Variants in CADPS2 observed in about 807,000 individuals in gnomAD.
CADPS2 encodes the protein calcium-dependent secretion activator 2.
In CADPS2, 93 loss-of-function variants were observed where a neutral mutation model predicts 172.5. That is an observed-to-expected ratio of 0.54 (90% CI 0.46 to 0.64). The LOEUF (loss-of-function observed/expected upper bound fraction) is 0.64. Among genes scored for constraint, CADPS2 ranks in the 30% least tolerant of loss-of-function variants. The pLI, the probability that CADPS2 is intolerant of heterozygous loss-of-function variation, is 0.00. For synonymous variants in CADPS2, 546 were observed against 555.2 expected, an observed-to-expected ratio of 0.98 and a Z score of 0.23; for missense variants, 1,420 against 1,565.9, an observed-to-expected ratio of 0.91 and a Z score of 1.57.
chr7:122,384,628 C>T (rs1332177931), intron 24 of CADPS2, among the ~76,000 whole-genome samples: 1 of 152,018 alleles, frequency 6.6e-6, no homozygotes, highest in East Asian at 1.9e-4. Flanking sequence ...TTCTTGTTTA[C>T]CACTTTTTCA....
At position 122,329,403 on chromosome 7, in the gene CADPS2, T is replaced by C. The variant is rs558085231; in HGVS notation, c.3613-3822A>G. Among the ~76,000 whole-genome samples the C allele has an allele frequency of 6.6e-5, 10 of 152,298 alleles. No homozygotes were observed. In the East Asian group the frequency reaches 9.7e-4, roughly 15 times the overall value. ...CACGCAGCTGTAAAGGGCTCTGCTC[T>C]TGGGGCCGGGGAGCACTAACAATAG... On this transcript the variant is annotated intron_variant, in intron 28 of 29. Coordinates refer to ENST00000449022, the MANE Select transcript of CADPS2 (RefSeq NM_017954.11).
At chr7:122,658,918 TA>T (rs199711943) in intron 3 of CADPS2, among the ~76,000 whole-genome samples, 84 of 147,928 alleles carry the variant, frequency 5.7e-4, no homozygotes, top group African/African-American at 1.4e-3. Flanking sequence ...TAATAATATG[TA>T]AAAAAAAAAG....
At chr7:122,814,499 C>G (rs971517028) in intron 1 of CADPS2, among the ~76,000 whole-genome samples, 5 of 151,840 alleles carry the variant, frequency 3.3e-5, no homozygotes, top group Non-Finnish European at 2.9e-5. Flanking sequence ...GTTTAAATGG[C>G]TAAAAAGAAA....
chr7:122,849,894 C>G, intron 1 of CADPS2: 1 of 570,840 alleles, frequency 1.8e-6, no homozygotes, highest in South Asian at 1.6e-5. Context: ...TTGGCCCCAG[C>G]CCCTGCCCCA....
At chr7:122,335,990 A>G (rs1585085711) in intron 28 of CADPS2, among the ~76,000 whole-genome samples, 2 of 152,204 alleles carry the variant, frequency 1.3e-5, no homozygotes, top group East Asian at 3.8e-4. Flanking sequence ...TTTCCCCTCC[A>G]GTGAAATATT....
intron 15 of CADPS2, among the ~76,000 whole-genome samples, chr7:122,448,747 G>C (rs2052641332): frequency 6.6e-6 from 1 of 151,940 alleles, no homozygotes; most frequent in Non-Finnish European, 1.5e-5. Context: ...ACTGGTTTTG[G>C]TTCAAAACCA....
intron 12 of CADPS2, among the ~76,000 whole-genome samples, chr7:122,477,062 G>C (rs1269261906): frequency 6.8e-6 from 1 of 146,440 alleles, no homozygotes; most frequent in Admixed American, 6.8e-5. Context: ...AAGAGAGAGA[G>C]AGAGAGAGAG....
At chr7:122,528,018 G>A (rs1372465232) in intron 8 of CADPS2, among the ~76,000 whole-genome samples, 1 of 151,734 alleles carries the variant, frequency 6.6e-6, no homozygotes, top group African/African-American at 2.4e-5. Flanking sequence ...TAGCTCCCTT[G>A]CTATAATAGA....
chr7:122,595,146 T>A (rs1193836609), intron 6 of CADPS2, among the ~76,000 whole-genome samples: 1 of 150,156 alleles, frequency 6.7e-6, no homozygotes, highest in Non-Finnish European at 1.5e-5. Flanking sequence ...AAGAGTTAGA[T>A]GTGTTATATG....
intron 2 of CADPS2, among the ~76,000 whole-genome samples, chr7:122,692,282 G>C (rs568740535): frequency 1.3e-5 from 2 of 152,066 alleles, no homozygotes; most frequent in African/African-American, 2.4e-5. Context: ...TGGGGGGAGG[G>C]TCCCTAGGCT....
chr7:122,724,816 A>C (rs1288395577), intron 2 of CADPS2, among the ~76,000 whole-genome samples: 1 of 151,982 alleles, frequency 6.6e-6, no homozygotes, highest in Non-Finnish European at 1.5e-5. Context: ...GCGATTTCTA[A>C]CCATTTTTGA....
intron 1 of CADPS2, among the ~76,000 whole-genome samples, chr7:122,867,927 C>G (rs968158129): frequency 2.0e-5 from 3 of 152,092 alleles, no homozygotes; most frequent in African/African-American, 7.2e-5. Context: ...CTCTTCATAC[C>G]TGAAGGGGAA....
At chr7:122,577,576 T>C (rs972239962) in intron 7 of CADPS2, among the ~76,000 whole-genome samples, 1 of 152,178 alleles carries the variant, frequency 6.6e-6, no homozygotes, top group African/African-American at 2.4e-5. Context: ...AACATCTTGG[T>C]TGCTTCCAAG....
chr7:122,757,129 C>T (rs1329334961), intron 1 of CADPS2, among the ~76,000 whole-genome samples: 1 of 151,394 alleles, frequency 6.6e-6, no homozygotes, highest in Non-Finnish European at 1.5e-5. Context: ...TGCTGGTCTT[C>T]TTCTGTTAAC....
At chr7:122,859,414 G>A (rs547970953) in intron 1 of CADPS2, among the ~76,000 whole-genome samples, 64 of 152,144 alleles carry the variant, frequency 4.2e-4, no homozygotes, top group African/African-American at 8.9e-4. Flanking sequence ...TTTTGAAATC[G>A]CTTTCTCCAG....
chr7:122,786,962 C>T (rs958279156), intron 1 of CADPS2, among the ~76,000 whole-genome samples: 1 of 152,160 alleles, frequency 6.6e-6, no homozygotes, highest in Non-Finnish European at 1.5e-5. Context: ...ACAGCTACAT[C>T]CTCAGTGCTA....
intron 9 of CADPS2, among the ~76,000 whole-genome samples, chr7:122,491,829 G>A (rs1396644241): frequency 6.6e-6 from 1 of 152,128 alleles, no homozygotes; most frequent in Non-Finnish European, 1.5e-5. Context: ...ATTAGGAGTA[G>A]TCCTAGATTT....
chr7:122,427,915 ATCTC>A (rs1563312377), intron 17 of CADPS2, among the ~76,000 whole-genome samples: 1 of 152,162 alleles, frequency 6.6e-6, no homozygotes, highest in Non-Finnish European at 1.5e-5. Context: ...GAATAGCTCT[ATCTC>A]TATCTAGATT....
At chr7:122,573,680 C>T (rs1383210672) in intron 7 of CADPS2, among the ~76,000 whole-genome samples, 1 of 152,058 alleles carries the variant, frequency 6.6e-6, no homozygotes, top group African/African-American at 2.4e-5. Context: ...GAATACCATT[C>T]AACAAACTAA....
Sources: gnomAD v4.1 joint callset for allele counts (sites outside exome capture counted in the v4.1 genomes callset) on GRCh38, gnomAD v4.1.1 for gene constraint, MANE v1.5 for transcripts, NCBI Gene and HGNC (gene_info 2026-07-23, HGNC 2026-07-21) for gene names.